The following FASN variants were observed in gnomAD, a reference collection of about 807,000 sequenced individuals.
FASN encodes the protein fatty acid synthase.
In FASN, 50 loss-of-function variants were observed where a neutral mutation model predicts 250.0. The observed-to-expected ratio is 0.20, with a 90% CI of 0.16 to 0.25. The LOEUF is 0.25. Among genes scored for constraint, FASN ranks in the 10% least tolerant of loss-of-function variants. The probability of loss-of-function intolerance (pLI) is 1.00; values close to 1 mark genes in which losing one functional copy is unlikely to be tolerated. For synonymous variants in FASN, 1,909 were observed against 1,584.0 expected (o/e 1.21, Z -4.87); for missense variants, 3,031 against 3,498.5 (o/e 0.87, Z 3.37).
rs2034012447 is a variant in FASN at position 82,082,691 on chromosome 17, G to A, written c.5768-13C>T. ...TTGGCCTGGTAGCCTGCGGGACACA[G>A]GACTGTGGGCTGGACTGGGCCAGGG... On this transcript the variant is annotated splice_polypyrimidine_tract_variant and intron_variant, in intron 33 of 42. Coordinates refer to ENST00000306749, the MANE Select transcript of FASN (RefSeq NM_004104.5). The A allele has an allele frequency of 6.2e-7, 1 of 1,606,828 alleles. No homozygotes were observed. Among genetic ancestry groups the A allele is most frequent in the Non-Finnish European group, 8.5e-7 (1 of 1,179,730 alleles).
Position 82,088,412 on chromosome 17 carries a change from G to A in FASN, c.2571C>T (p.Pro857=), listed in dbSNP as rs2144796784. The A allele has an allele frequency of 5.0e-6, 8 of 1,612,324 alleles. No individual in the cohort carries two copies. The highest frequency in any genetic ancestry group is 1.1e-5 in the South Asian group (1 of 91,066). Residue 857 remains proline, a synonymous_variant, in exon 16 of 43, where the codon CCC becomes CCT. Transcript: ENST00000306749. The stretch of plus-strand genomic sequence containing the variant: ...CACCGATGTTGTAGATGGCGGCTGA[G>A]GGGGAACCTGAACCGTTGGGGAAGT... ...AEDFPNGSGS[P]SAAIYNIDTS...
intron 3 of FASN, chr17:82,093,990 C>G (rs1044394252): frequency 1.6e-6 from 1 of 615,370 alleles, no homozygotes; most frequent in African/African-American, 1.8e-5. Flanking sequence ...CCAGGTGAGG[C>G]CTGGAACAGG....
chr17:82,081,107 G>T, intron 38 of FASN, 57 bp downstream of exon 38: 1 of 1,529,028 alleles, frequency 6.5e-7, no homozygotes, highest in South Asian at 1.2e-5. Context: ...CAGACAACAA[G>T]GAGGAAGGGC....
chr17:82,087,276 T>C, intron 20 of FASN, 23 bp from the exon 21 acceptor site: 1 of 1,601,876 alleles, frequency 6.2e-7, no homozygotes, highest in East Asian at 2.3e-5. Context: ...GCTGGGTGAG[T>C]GCGGCATACT....
chr17:82,095,990 G>A (rs2034296196), intron 2 of FASN, among the ~76,000 whole-genome samples: 1 of 152,240 alleles, frequency 6.6e-6, no homozygotes, highest in Non-Finnish European at 1.5e-5. Context: ...CCCATCCTCT[G>A]AGCTTGGCTC....
chr17:82,078,669 G>C lies in FASN; in HGVS notation c.*474C>G, dbSNP rs930961982. 1 of 235,638 alleles carries C rather than the reference G, an allele frequency of 4.2e-6. No homozygotes were observed. Among genetic ancestry groups the C allele is most frequent in the Non-Finnish European group, 8.5e-6 (1 of 117,586 alleles). The allele number at this position is 235,638 out of a possible 1,614,324, so 14.6% of individuals were successfully genotyped here. On this transcript the variant is annotated 3_prime_UTR_variant, in exon 43 of 43. Coordinates refer to ENST00000306749, the MANE Select transcript of FASN (RefSeq NM_004104.5). This position sits in a 1 kb window ranked among gnomAD's most constrained non-coding sequence, Gnocchi z 5.4. ...CAGCGGGCTGAGCCAATGCCTGGCC[G>C]AGAGGGGGCCGCAGCCAGCAGGCTT...
chr17:82,082,811 C>A, intron 33 of FASN, 103 bp downstream of exon 33: 1 of 1,550,872 alleles, frequency 6.4e-7, no homozygotes, highest in South Asian at 1.1e-5. Flanking sequence ...GGGACAGACC[C>A]CAGGCACCGT....
chr17:82,085,060 G>C lies in FASN; in HGVS notation c.4384C>G (p.Arg1462Gly). 3 of 1,612,108 alleles carry C rather than the reference G, an allele frequency of 1.9e-6. No homozygotes were observed. The East Asian group carries it at 6.7e-5, about 36-fold the overall frequency. Residue 1462 changes from arginine to glycine, a missense_variant, in exon 25 of 43, where the codon CGA becomes GGA. By Grantham distance (125) the Arg-to-Gly change is moderately radical. Transcript: ENST00000306749. ...CGGAGGCGGTTCCCGCCGGGCTCTC[G>C]GCGGAGACAGTTCACCAAGCCCACC... ...GVVGLVNCLR[R>G]EPGGNRLRCV...
At chr17:82,094,976 G>C (rs1306917503) in intron 3 of FASN, among the ~76,000 whole-genome samples, 1 of 148,540 alleles carries the variant, frequency 6.7e-6, no homozygotes, top group Non-Finnish European at 1.5e-5. Flanking sequence ...TCCGCTGCTT[G>C]GCTGGTGGGG....
chr17:82,080,476 G>C lies in FASN; in HGVS notation c.6941C>G (p.Ala2314Gly), dbSNP rs11550612. The C allele has an allele frequency of 1.9e-6, 3 of 1,575,664 alleles. No homozygotes were observed. The African/African-American group carries it at 4.0e-5, about 21-fold the overall frequency. ...CTGCAGCTGGGAGCACATTTCAAAG[G>C]CCACGCAGGCCCCGTAGGAGTAGCC... ...VAGYSYGACVAFEMCSQLQAQ... is the reference protein window; with the variant it reads ...VAGYSYGACVGFEMCSQLQAQ... Residue 2314 changes from alanine (A) to glycine (G), a missense_variant, in exon 40 of 43, where the codon GCC becomes GGC. Physicochemically the swap from Ala to Gly is moderately conservative, Grantham distance 60. Coordinates refer to ENST00000306749, the MANE Select transcript of FASN (RefSeq NM_004104.5).
Position 82,086,553 on chromosome 17 carries a change from C to A in FASN, c.3433G>T (p.Val1145Leu). ...QEELQLCKGL[V>L]QALQTKVTQQ... Reference sequence around the variant, plus strand: ...GTCACCTTGGTCTGCAGTGCCTGCACCAGCCCTGGGGAGGGAGGGAGGCAG... The same window carrying A: ...GTCACCTTGGTCTGCAGTGCCTGCAACAGCCCTGGGGAGGGAGGGAGGCAG... Residue 1145 changes from valine (V) to leucine (L), a missense_variant, in exon 22 of 43, where the codon GTG (valine) becomes TTG (leucine). Transcript: ENST00000306749. 2 of 1,610,374 alleles carry A rather than the reference C, an allele frequency of 1.2e-6. No individual in the cohort carries two copies. Among genetic ancestry groups the A allele is most frequent in the South Asian group, 1.1e-5 (1 of 91,032 alleles).
At position 82,088,848 on chromosome 17, in the gene FASN, C is replaced by G. The variant is rs1568112988; in HGVS notation, c.2333G>C (p.Ser778Thr). 6.2e-7 allele frequency: 1 copy of G among 1,612,584 alleles called. No individual in the cohort carries two copies. Among genetic ancestry groups the G allele is most frequent in the East Asian group, 2.2e-5 (1 of 44,880 alleles). ...QAVLKRGLKP[S>T]CTIIPLMKKD... is the part of the protein sequence containing the mutation. ...CTTCATCAGGGGGATGATGGTGCAG[C>G]TCGGCTTCAGGCCACGCTTCAGGAC... is the stretch of plus-strand genomic sequence containing the variant. The change falls in exon 15 of 43, where the codon AGC becomes ACC. Residue 778 changes from serine (S) to threonine (T), a missense_variant. Physicochemically the swap from Ser to Thr is moderately conservative, Grantham distance 58. Coordinates refer to ENST00000306749, the MANE Select transcript of FASN (RefSeq NM_004104.5).
chr17:82,080,313 C>T lies in FASN; in HGVS notation c.7047+57G>A, dbSNP rs8078234. ...AAGCGACGGTCCCCCAAAGCCAGGG[C>T]ACAGGTGGGGAGCCCAGACGTTTGC... is the stretch of plus-strand genomic sequence containing the variant. On this transcript the variant is annotated intron_variant, in intron 40 of 42. Transcript: ENST00000306749. 6,161 of 1,610,956 alleles carry T rather than the reference C, an allele frequency of 3.8e-3. 202 individuals carry two copies. In the African/African-American group the frequency reaches 0.073, roughly 19 times the overall value.
At chr17:82,086,129 G>A in intron 22 of FASN, 125 bp downstream of exon 22, 2 of 1,486,554 alleles carry the variant, frequency 1.3e-6, no homozygotes, top group South Asian at 1.2e-5. Context: ...GAACCACACA[G>A]GGAACTGGCC....
chr17:82,081,391 C>A (rs373526189), intron 37 of FASN, 39 bp from the exon 38 acceptor site: 7 of 1,559,792 alleles, frequency 4.5e-6, no homozygotes, highest in Non-Finnish European at 6.1e-6. Context: ...CCAGAGGGGG[C>A]ATGGGGACGG....
Position 82,092,912 on chromosome 17 carries a change from C to A in FASN, c.763G>T (p.Gly255Cys). Residue 255 changes from glycine (G) to cysteine (C), a missense_variant, in exon 6 of 43, where the codon GGC becomes TGC. By Grantham distance (159) the Gly-to-Cys change is radical. Coordinates refer to ENST00000306749, the MANE Select transcript of FASN (RefSeq NM_004104.5). The part of the protein sequence containing the change: ...TILNAGTNTD[G>C]FKEQGVTFPS... ...CAGAGCCCACCTTGCTCCTTGAAGC[C>A]ATCTGTATTGGTGCCGGCGTTCAGG... The A allele has an allele frequency of 6.2e-7, 1 of 1,604,662 alleles. No homozygotes were observed. The highest frequency in any genetic ancestry group is 1.7e-4 in the Middle Eastern group (1 of 6,034).
chr17:82,093,423 C>T lies in FASN; in HGVS notation c.455-4G>A, dbSNP rs374230861. On this transcript the variant is annotated splice_region_variant and splice_polypyrimidine_tract_variant and intron_variant, in intron 4 of 42. Transcript: ENST00000306749. Reference sequence around the variant, plus strand: ...GTGTCCAGTGCGATGCTGGGCCCTGCAAGGAAGGGTGCTGCGGCTCAGGTG... The same window carrying T: ...GTGTCCAGTGCGATGCTGGGCCCTGTAAGGAAGGGTGCTGCGGCTCAGGTG... The T allele has an allele frequency of 1.9e-5, 30 of 1,598,494 alleles. No homozygotes were observed. Among genetic ancestry groups the T allele is most frequent in the South Asian group, 4.5e-5 (4 of 88,866 alleles).
chr17:82,092,690 G>A lies in FASN; in HGVS notation c.894+7C>T, dbSNP rs762559616. On this transcript the variant is annotated splice_region_variant and intron_variant, in intron 7 of 42. Transcript: ENST00000306749. The stretch of plus-strand genomic sequence containing the variant: ...GTGGTGAGTGGGGCGGGGGGGGGGG[G>A]CATCACCTTGGTGCCTGTGCCGTGG... The A allele has an allele frequency of 7.6e-6, 6 of 785,228 alleles. No homozygotes were observed. The highest frequency in any genetic ancestry group is 3.8e-5 in the African/African-American group (2 of 52,616). The allele number at this position is 785,228 out of a possible 1,614,324, so 48.6% of individuals were successfully genotyped here.
intron 10 of FASN, 58 bp from the exon 11 acceptor site, chr17:82,090,622 C>G: frequency 1.4e-6 from 2 of 1,477,488 alleles, no homozygotes; most frequent in Non-Finnish European, 1.9e-6. Context: ...CTGTTGGGGG[C>G]GGCCCCCGGC....
Sources: gnomAD v4.1 joint callset for allele counts (sites outside exome capture counted in the v4.1 genomes callset) on GRCh38, gnomAD v4.1.1 for gene constraint, Gnocchi (gnomAD v3.1) non-coding constraint, MANE v1.5 for transcripts, NCBI Gene and HGNC (gene_info 2026-07-23, HGNC 2026-07-21) for gene names.